PCTP: variants seen among roughly 807,000 people sequenced by gnomAD.
The protein encoded by PCTP is phosphatidylcholine transfer protein, also known as START domain-containing protein 2.
Under a neutral mutation model 31.0 loss-of-function variants are expected in PCTP, and 27 were observed. That is an observed-to-expected ratio of 0.87 (90% CI 0.64 to 1.20). PCTP has a LOEUF of 1.20. Ranked by LOEUF, PCTP falls within the 50% of genes most tolerant of loss-of-function variation. The pLI, the probability that PCTP is intolerant of heterozygous loss-of-function variation, is 0.00. For synonymous variants in PCTP, 108 were observed against 101.2 expected (o/e 1.07, Z -0.40); for missense variants, 287 against 268.2 (o/e 1.07, Z -0.49).
intron 5 of PCTP, chr17:55,775,759 C>T: frequency 8.0e-7 from 1 of 1,257,858 alleles, no homozygotes; most frequent in Non-Finnish European, 1.0e-6. Context: ...TTTCTTTTTT[C>T]CAGAAACACT....
chr17:55,831,468 A>G (rs976736027), intron 5 of PCTP, among the ~76,000 whole-genome samples: 8 of 152,124 alleles, frequency 5.3e-5, no homozygotes, highest in African/African-American at 1.9e-4. Context: ...CAAATAGCCA[A>G]CCGCTTTGGG....
At chr17:55,790,745 A>T (rs1332585513) in intron 3 of PCTP, among the ~76,000 whole-genome samples, 1 of 149,654 alleles carries the variant, frequency 6.7e-6, no homozygotes, top group Non-Finnish European at 1.5e-5. Flanking sequence ...TAATTTACAG[A>T]TTCAATGCCA....
intron 3 of PCTP, among the ~76,000 whole-genome samples, chr17:55,808,837 A>G (rs1912658713): frequency 6.6e-6 from 1 of 152,142 alleles, no homozygotes; most frequent in Non-Finnish European, 1.5e-5. Context: ...AAAACAAAGG[A>G]ATTTCCTTCC....
chr17:55,774,881 CG>C, intron 5 of PCTP, 22 bp downstream of exon 5: 38 of 1,237,054 alleles, frequency 3.1e-5, no homozygotes, highest in Admixed American at 1.4e-4. Flanking sequence ...GGAGGTGGGG[CG>C]GGGGGAGGGA....
rs1170892224 is a variant in PCTP at position 55,777,135 on chromosome 17, C to G, written c.*1035C>G. ...TACCACCAAAAAGACTTTTAGTTTT[C>G]TATGCTTTCTCCTGAATTTTGGTAG... On this transcript the variant is annotated 3_prime_UTR_variant, in exon 6 of 6. Coordinates refer to ENST00000268896, the MANE Select transcript of PCTP (RefSeq NM_021213.4). The G allele has an allele frequency of 1.0e-5, 10 of 985,668 alleles. No individual in the cohort carries two copies. Among genetic ancestry groups the G allele is most frequent in the Non-Finnish European group, 1.2e-5 (10 of 829,918 alleles). The allele number at this position is 985,668 out of a possible 1,614,324, so 61.1% of individuals were successfully genotyped here.
chr17:55,804,687 G>A (rs975472741), intron 3 of PCTP, among the ~76,000 whole-genome samples: 3 of 152,082 alleles, frequency 2.0e-5, no homozygotes, highest in African/African-American at 7.2e-5. Context: ...CATAGGGAGA[G>A]GAACGTCACA....
At chr17:55,804,456 G>A (rs9903633) in intron 3 of PCTP, among the ~76,000 whole-genome samples, 31,740 of 151,986 alleles carry the variant, frequency 0.21, 3,847 homozygotes, top group African/African-American at 0.34. Flanking sequence ...AAAGACTTGG[G>A]ACCAATCCAA....
At chr17:55,768,786 G>A (rs1910827015) in intron 2 of PCTP, 1 of 152,144 alleles carries the variant, frequency 6.6e-6, no homozygotes, top group African/African-American at 2.4e-5. Flanking sequence ...TGTAAGTTAT[G>A]TGTTATGAAA....
chr17:55,792,297 A>G (rs1388876196), intron 3 of PCTP, among the ~76,000 whole-genome samples: 2 of 148,930 alleles, frequency 1.3e-5, no homozygotes, highest in Non-Finnish European at 3.0e-5. Context: ...CCTAAAACTT[A>G]AAGTATAATA....
intron 2 of PCTP, among the ~76,000 whole-genome samples, chr17:55,767,864 G>A (rs539270355): frequency 2.8e-4 from 43 of 150,990 alleles, no homozygotes; most frequent in South Asian, 1.0e-3. Flanking sequence ...AGGCTGAGGC[G>A]GACAGATCAC....
At chr17:55,813,300 G>A (rs901792659) in intron 3 of PCTP, among the ~76,000 whole-genome samples, 1 of 152,112 alleles carries the variant, frequency 6.6e-6, no homozygotes, top group Non-Finnish European at 1.5e-5. Flanking sequence ...ACAGCACCTT[G>A]CTCTGTTATC....
At chr17:55,802,160 A>G (rs868129970) in intron 3 of PCTP, among the ~76,000 whole-genome samples, 2 of 152,234 alleles carry the variant, frequency 1.3e-5, no homozygotes, top group Admixed American at 1.3e-4. Context: ...CCCAAGACTA[A>G]ACCAGGAAAA....
chr17:55,820,280 G>A (rs1037061472), intron 3 of PCTP, among the ~76,000 whole-genome samples: 4 of 152,188 alleles, frequency 2.6e-5, no homozygotes, highest in African/African-American at 7.2e-5. Context: ...CTGATAAGGG[G>A]CATTCCTGTT....
At chr17:55,849,090 A>C in the PCTP span, among the ~76,000 whole-genome samples, 2 of 152,184 alleles carry the variant, frequency 1.3e-5, no homozygotes, top group Non-Finnish European at 2.9e-5. Context: ...ATATTGCAAC[A>C]AGCAGACAAG....
At chr17:55,840,213 A>G (rs1905929114) in intron 5 of PCTP, among the ~76,000 whole-genome samples, 1 of 152,146 alleles carries the variant, frequency 6.6e-6, no homozygotes, top group Non-Finnish European at 1.5e-5. Context: ...AATGGTAAAT[A>G]AAACCAATTT....
At chr17:55,777,623 C>G (rs1238591205), downstream of PCTP, among the ~76,000 whole-genome samples, 1 of 152,186 alleles carries the variant, frequency 6.6e-6, no homozygotes, top group African/African-American at 2.4e-5. Context: ...TTGTCGCTAA[C>G]AGCAATAGGT....
At chr17:55,841,685 A>C (rs1905986573) in intron 5 of PCTP, among the ~76,000 whole-genome samples, 1 of 152,342 alleles carries the variant, frequency 6.6e-6, no homozygotes, top group South Asian at 2.1e-4. Context: ...AATAATGAGC[A>C]CAGAGACTAT....
At chr17:55,774,055 A>G (rs1911171402) in intron 4 of PCTP, among the ~76,000 whole-genome samples, 160 bp downstream of exon 4, 1 of 152,228 alleles carries the variant, frequency 6.6e-6, no homozygotes, top group South Asian at 2.1e-4. Context: ...AGAGAGCCTC[A>G]TTCCACCCCA....
At chr17:55,791,116 A>T (rs1156893306) in intron 3 of PCTP, among the ~76,000 whole-genome samples, 1 of 151,896 alleles carries the variant, frequency 6.6e-6, no homozygotes, top group Non-Finnish European at 1.5e-5. Flanking sequence ...AGAAAGCTGA[A>T]ACTGGATCCC....
Sources: allele counts gnomAD v4.1 joint callset (sites outside exome capture counted in the v4.1 genomes callset), GRCh38; gene constraint gnomAD v4.1.1; transcripts MANE v1.5; gene names NCBI Gene and HGNC (gene_info 2026-07-23, HGNC 2026-07-21).